Variants in JPH1 observed in about 807,000 individuals in gnomAD.
JPH1 encodes junctophilin-1.
Under a neutral mutation model 53.6 loss-of-function variants are expected in JPH1, and 12 were observed. That is an observed-to-expected ratio of 0.22 (90% CI 0.14 to 0.36). The LOEUF (loss-of-function observed/expected upper bound fraction) is 0.36, where lower values mean the gene tolerates loss of function less well. JPH1 is among the 10% of genes least tolerant of loss of function. JPH1 has a pLI of 1.00. For missense variants in JPH1, 808 were observed against 905.5 expected (o/e 0.89, Z 1.38); for synonymous variants, 375 against 363.8 (o/e 1.03, Z -0.35).
chr8:74,254,422 C>T (rs1806157888), intron 3 of JPH1, among the ~76,000 whole-genome samples: 1 of 152,036 alleles, frequency 6.6e-6, no homozygotes, highest in Non-Finnish European at 1.5e-5. Context: ...GTATGACAAA[C>T]CCACAGCCAA....
intron 3 of JPH1, among the ~76,000 whole-genome samples, chr8:74,257,645 A>C (rs1806276639): frequency 6.6e-6 from 1 of 152,204 alleles, no homozygotes; most frequent in Non-Finnish European, 1.5e-5. Context: ...ATACGTAGGT[A>C]CCAGGGAAGT....
At chr8:74,307,092 A>C (rs1005232) in intron 2 of JPH1, among the ~76,000 whole-genome samples, 9,490 of 152,210 alleles carry the variant, frequency 0.062, 1,006 homozygotes, top group African/African-American at 0.22. Flanking sequence ...CACAGGTGGT[A>C]AAGCTCTGTA....
chr8:74,282,174 CTT>C (rs1054742240), intron 2 of JPH1, among the ~76,000 whole-genome samples: 67 of 152,296 alleles, frequency 4.4e-4, no homozygotes, highest in African/African-American at 1.5e-3. Flanking sequence ...GGAGTCAAGA[CTT>C]TGCCTGACCC....
chr8:74,277,271 C>T (rs1806875583), intron 2 of JPH1, among the ~76,000 whole-genome samples: 1 of 152,208 alleles, frequency 6.6e-6, no homozygotes, highest in South Asian at 2.1e-4. Context: ...TGTTCCCTTC[C>T]CACCCACTGC....
Position 74,315,711 on chromosome 8 carries a change from A to T in JPH1, c.380-91T>A. 7.7e-7 allele frequency: 1 copy of T among 1,302,854 alleles called. No individual in the cohort carries two copies. Among genetic ancestry groups the T allele is most frequent in the South Asian group, 1.5e-5 (1 of 65,668 alleles). The allele number at this position is 1,302,854 out of a possible 1,614,324, so 80.7% of individuals were successfully genotyped here. A position where few individuals can be genotyped will look rare whatever the true frequency, so the allele number is the denominator to read the frequency against. Reference sequence around the variant, plus strand: ...AGCGCACACTGGCGCAGGCCTGCCCAAGGTCAAATCTGACCCATTTCCAAG... The same window carrying T: ...AGCGCACACTGGCGCAGGCCTGCCCTAGGTCAAATCTGACCCATTTCCAAG... On this transcript the variant is annotated intron_variant, in intron 1 of 5. Coordinates refer to ENST00000342232, the MANE Select transcript of JPH1 (RefSeq NM_020647.4). This position sits in a 1 kb window ranked among gnomAD's most constrained non-coding sequence, Gnocchi z 6.3.
intron 1 of JPH1, among the ~76,000 whole-genome samples, chr8:74,316,600 ATCT>A (rs1256198640): frequency 1.1e-4 from 17 of 152,216 alleles, no homozygotes; most frequent in Non-Finnish European, 2.1e-4. Context: ...GCCAGATGAA[ATCT>A]TCTACTGTTA....
intron 3 of JPH1, among the ~76,000 whole-genome samples, chr8:74,247,643 C>T (rs544976660): frequency 2.0e-5 from 3 of 152,040 alleles, no homozygotes; most frequent in East Asian, 1.9e-4. Flanking sequence ...AGAGTCACTG[C>T]GCCCTGAGAA....
chr8:74,259,443 C>T lies in JPH1; in HGVS notation c.1200G>A (p.Gln400=), dbSNP rs1286749622. ...AADQAALAAR[Q]ECDIARAVAR... ...CCACAGCTCTCGCGATGTCGCACTC[C>T]TGGCGAGCGGCCAGCGCGGCCTGGT... Residue 400 remains glutamine, a synonymous_variant, in exon 3 of 6, where the codon CAG becomes CAA. Transcript: ENST00000342232. 4 of 1,613,698 alleles carry T rather than the reference C, an allele frequency of 2.5e-6. No individual in the cohort carries two copies. The African/African-American group carries it at 4.0e-5, about 16-fold the overall frequency.
rs1422966357 is a variant in JPH1, at chr8:74,235,281, A to G, written c.*1770T>C. The G allele has an allele frequency of 6.6e-6, 1 of 152,638 alleles. No homozygotes were observed. The highest frequency in any genetic ancestry group is 6.5e-5 in the Admixed American group (1 of 15,274). The allele number at this position is 152,638 out of a possible 1,614,324, so 9.5% of individuals were successfully genotyped here. On this transcript the variant is annotated 3_prime_UTR_variant, in exon 6 of 6. Coordinates refer to ENST00000342232, the MANE Select transcript of JPH1 (RefSeq NM_020647.4). ...ATTTAAAAGTCAAAGCAAAATGTAA[A>G]AAATGAATATACAAGTTGAAATTTT...
rs1368788584 is a variant in JPH1, at chr8:74,299,074, C to T, written c.1139+15787G>A. Among the ~76,000 whole-genome samples, 9 of 152,072 alleles carry T rather than the reference C, an allele frequency of 5.9e-5. No individual in the cohort carries two copies. The East Asian group carries it at 1.2e-3, about 20-fold the overall frequency. ...GCCTTTGAGGGGGTTTTTTTCTCCT[C>T]GGGCTGTACATCATTAGATGGGGTC... is the stretch of plus-strand genomic sequence containing the variant. On this transcript the variant is annotated intron_variant, in intron 2 of 5. Transcript: ENST00000342232.
chr8:74,281,075 T>C (rs1001336126), intron 2 of JPH1, among the ~76,000 whole-genome samples: 12 of 152,204 alleles, frequency 7.9e-5, no homozygotes, highest in Admixed American at 7.9e-4. Flanking sequence ...TGGAAATAAT[T>C]AAAATGTTAT....
intron 2 of JPH1, among the ~76,000 whole-genome samples, chr8:74,278,176 T>C (rs1806904676): frequency 1.3e-5 from 2 of 152,316 alleles, no homozygotes; most frequent in Non-Finnish European, 2.9e-5. Flanking sequence ...TCTCATGCTG[T>C]TCTCGTGATA....
chr8:74,305,007 A>C (rs1807792374), intron 2 of JPH1, among the ~76,000 whole-genome samples: 1 of 152,230 alleles, frequency 6.6e-6, no homozygotes, highest in Non-Finnish European at 1.5e-5. Flanking sequence ...ACAGCAACTA[A>C]AACAGAAAGG....
Position 74,237,222 on chromosome 8 carries a change from A to G in JPH1, c.*1T>C, listed in dbSNP as rs1807025325. 3.1e-6 allele frequency: 5 copies of G among 1,602,490 alleles called. No individual in the cohort carries two copies. Among genetic ancestry groups the G allele is most frequent in the African/African-American group, 1.3e-5 (1 of 74,614 alleles). Reference sequence around the variant, plus strand: ...GCGATTCTTACCTTTCCTAATTCCAATCAAGTTAGAAAGTGAACAAAAAGA... The same window carrying G: ...GCGATTCTTACCTTTCCTAATTCCAGTCAAGTTAGAAAGTGAACAAAAAGA... On this transcript the variant is annotated 3_prime_UTR_variant, in exon 5 of 6. Transcript: ENST00000342232.
intron 2 of JPH1, among the ~76,000 whole-genome samples, chr8:74,280,447 G>C (rs557933332): frequency 1.3e-5 from 2 of 152,162 alleles, no homozygotes; most frequent in Non-Finnish European, 2.9e-5. Flanking sequence ...CTTCAGCAAA[G>C]CAGACAGATG....
At chr8:74,278,292 C>T (rs1806908402) in intron 2 of JPH1, among the ~76,000 whole-genome samples, 1 of 152,174 alleles carries the variant, frequency 6.6e-6, no homozygotes, top group African/African-American at 2.4e-5. Flanking sequence ...CTTGCTTTTC[C>T]TTGCCTTCCA....
chr8:74,239,701 G>T (rs987895189), intron 4 of JPH1, among the ~76,000 whole-genome samples: 4 of 152,078 alleles, frequency 2.6e-5, no homozygotes, highest in Non-Finnish European at 5.9e-5. Flanking sequence ...AAGTGTTTGG[G>T]GTTTCAGATT....
chr8:74,249,689 G>T (rs74487664), intron 3 of JPH1, among the ~76,000 whole-genome samples: 5,744 of 152,234 alleles, frequency 0.038, 342 homozygotes, highest in African/African-American at 0.12. Flanking sequence ...GGTTTGGAAG[G>T]TGAGCTTAGA....
rs773423692 is a variant in JPH1, at chr8:74,320,965, C to T, written c.323G>A (p.Gly108Asp). 6.2e-7 allele frequency: 1 copy of T among 1,609,254 alleles called. No individual in the cohort carries two copies. The highest frequency in any genetic ancestry group is 8.5e-7 in the Non-Finnish European group (1 of 1,177,842). ...GTCTTGCAGCCCGTTACTCCAGGTA[C>T]CCTCGTAGCGAGCGGGGGTGCACAG... ...QSLCTPARYE[G>D]TWSNGLQDGY... The change falls in exon 1 of 6, where the codon GGT becomes GAT. Residue 108 changes from glycine to aspartate, a missense_variant. Transcript: ENST00000342232. The surrounding 1 kb of genome is among the most constrained non-coding windows in gnomAD (Gnocchi z 4.4).
Sources: allele counts gnomAD v4.1 joint callset (sites outside exome capture counted in the v4.1 genomes callset), GRCh38; gene constraint gnomAD v4.1.1; non-coding constraint Gnocchi (gnomAD v3.1); transcripts MANE v1.5; gene names NCBI Gene and HGNC (gene_info 2026-07-23, HGNC 2026-07-21).